Variants in DOCK3 observed in about 807,000 individuals in gnomAD.
DOCK3 encodes the protein dedicator of cytokinesis 3, also known as dedicator of cytokinesis protein 3.
In DOCK3, 60 loss-of-function variants were observed where a neutral mutation model predicts 265.6. The ratio of observed to expected loss-of-function variants is 0.23; its 90% CI spans 0.18 to 0.28. The LOEUF is 0.28. Ranked by LOEUF, DOCK3 falls within the 10% of genes least tolerant of loss-of-function variation. The pLI is 1.00. For missense variants in DOCK3, 1,981 were observed against 2,594.3 expected (o/e 0.76, Z 5.14); for synonymous variants, 881 against 938.0 (o/e 0.94, Z 1.11).
At chr3:50,692,190 T>C (rs1260539078) in intron 1 of DOCK3, among the ~76,000 whole-genome samples, 1 of 152,230 alleles carries the variant, frequency 6.6e-6, no homozygotes, top group East Asian at 1.9e-4. Flanking sequence ...ACATTGAGAT[T>C]ACAGGCATGA....
intron 6 of DOCK3, 120 bp downstream of exon 6, chr3:51,064,716 C>G (rs1388639242): frequency 7.8e-7 from 1 of 1,281,172 alleles, no homozygotes; most frequent in East Asian, 2.4e-5. Context: ...ATATTCTTCA[C>G]TAAGCTTTCA....
chr3:50,740,071 T>C (rs2038916720), intron 1 of DOCK3, among the ~76,000 whole-genome samples: 1 of 152,188 alleles, frequency 6.6e-6, no homozygotes, highest in Non-Finnish European at 1.5e-5. Flanking sequence ...TGTCACTGTA[T>C]ATTACTTTGC....
intron 5 of DOCK3, among the ~76,000 whole-genome samples, chr3:50,952,366 G>GT (rs2076616353): frequency 6.6e-6 from 1 of 151,978 alleles, no homozygotes; most frequent in African/African-American, 2.4e-5. Flanking sequence ...GTATTAATCT[G>GT]TTTTTTCACC....
At chr3:51,268,115 A>G (rs1361291089) in intron 23 of DOCK3, among the ~76,000 whole-genome samples, 1 of 152,224 alleles carries the variant, frequency 6.6e-6, no homozygotes, top group East Asian at 1.9e-4. Context: ...CATTCTGCAC[A>G]TGTATCCCAG....
At chr3:50,907,461 G>A (rs2049586074) in intron 4 of DOCK3, among the ~76,000 whole-genome samples, 1 of 152,082 alleles carries the variant, frequency 6.6e-6, no homozygotes, top group Admixed American at 6.5e-5. Flanking sequence ...TATATGCTTA[G>A]GACAGTTAGC....
intron 1 of DOCK3, among the ~76,000 whole-genome samples, chr3:50,778,244 G>T (rs1365955742): frequency 1.3e-5 from 2 of 151,896 alleles, no homozygotes; most frequent in Non-Finnish European, 2.9e-5. Flanking sequence ...TGAGAATTCT[G>T]CTTTTCAAAG....
chr3:50,974,095 T>C (rs1475909091), intron 5 of DOCK3, among the ~76,000 whole-genome samples: 1 of 151,056 alleles, frequency 6.6e-6, no homozygotes, highest in African/African-American at 2.4e-5. Context: ...AGGTTGCCTG[T>C]TCACTCTGAT....
chr3:51,238,694 G>A (rs1245643487), intron 21 of DOCK3, among the ~76,000 whole-genome samples: 1 of 152,094 alleles, frequency 6.6e-6, no homozygotes, highest in Non-Finnish European at 1.5e-5. Flanking sequence ...CCACTTATAA[G>A]TGAGAACATG....
chr3:51,290,682 A>AAT (rs964565637), intron 27 of DOCK3, among the ~76,000 whole-genome samples: 35 of 152,232 alleles, frequency 2.3e-4, no homozygotes, highest in African/African-American at 7.7e-4. Flanking sequence ...CTTAAAGTAT[A>AAT]ATATATATAT....
intron 23 of DOCK3, among the ~76,000 whole-genome samples, chr3:51,264,829 A>AAAATAAATAAATAAAT (rs71084138): frequency 0.44 from 62,316 of 141,854 alleles, 14,431 homozygotes; most frequent in Middle Eastern, 0.49. Context: ...TCAGTCTCAA[A>AAAATAAATAAATAAAT]AAATAAATAA....
intron 27 of DOCK3, among the ~76,000 whole-genome samples, chr3:51,286,342 A>G (rs189503519): frequency 1.2e-4 from 18 of 152,362 alleles, no homozygotes; most frequent in African/African-American, 3.8e-4. Flanking sequence ...AAAACATTCC[A>G]TGTTCATGGC....
At chr3:50,870,742 G>A (rs968822245) in intron 3 of DOCK3, among the ~76,000 whole-genome samples, 1 of 150,256 alleles carries the variant, frequency 6.7e-6, no homozygotes, top group Non-Finnish European at 1.5e-5. Flanking sequence ...GTGGTGATAT[G>A]ATTTAATTTT....
At chr3:51,342,766 A>C (rs1316673657) in intron 38 of DOCK3, among the ~76,000 whole-genome samples, 1 of 152,216 alleles carries the variant, frequency 6.6e-6, no homozygotes, top group Non-Finnish European at 1.5e-5. Context: ...AGGGAGTAAA[A>C]CACAAAGTGT....
chr3:51,028,487 T>C (rs1278456433), intron 5 of DOCK3, among the ~76,000 whole-genome samples: 1 of 152,188 alleles, frequency 6.6e-6, no homozygotes, highest in Non-Finnish European at 1.5e-5. Flanking sequence ...TGGGGAAATT[T>C]TTCTGAATTA....
chr3:50,944,839 A>T (rs1387907475), intron 5 of DOCK3, among the ~76,000 whole-genome samples: 1 of 152,176 alleles, frequency 6.6e-6, no homozygotes, highest in Non-Finnish European at 1.5e-5. Context: ...AGGAGCCTGT[A>T]ATCCCAGCTA....
Position 51,195,906 on chromosome 3 carries a change from AT to A in DOCK3, c.1038-12860del, listed in dbSNP as rs911723506. ...CATGTATAGCATTCTTAGCTGTCAG[AT>A]TTTTTTTCTTTTATTCTTCCTTTTT... On this transcript the variant is annotated intron_variant, in intron 12 of 52. Coordinates refer to ENST00000266037, the MANE Select transcript of DOCK3 (RefSeq NM_004947.5). 4.6e-5 allele frequency among the ~76,000 whole-genome samples: 7 copies of A among 151,588 alleles called. No individual in the cohort carries two copies. The East Asian group carries it at 5.8e-4, about 13-fold the overall frequency.
At chr3:50,752,902 T>G (rs1050748011) in intron 1 of DOCK3, among the ~76,000 whole-genome samples, 1 of 152,236 alleles carries the variant, frequency 6.6e-6, no homozygotes, top group Non-Finnish European at 1.5e-5. Flanking sequence ...GCTACCTTTG[T>G]TACAAATTTT....
intron 1 of DOCK3, among the ~76,000 whole-genome samples, chr3:50,687,640 ATGT>A (rs944583611): frequency 8.5e-5 from 13 of 152,190 alleles, no homozygotes; most frequent in Admixed American, 4.6e-4. Flanking sequence ...ATCCTGTAAA[ATGT>A]TGTTAAGTTC....
chr3:51,091,108 C>G (rs1276394962), intron 9 of DOCK3, among the ~76,000 whole-genome samples: 1 of 152,154 alleles, frequency 6.6e-6, no homozygotes, highest in Non-Finnish European at 1.5e-5. Flanking sequence ...TTGATCAGGA[C>G]ATGTGAATTT....
Sources: gnomAD v4.1 joint callset for allele counts (sites outside exome capture counted in the v4.1 genomes callset) on GRCh38, gnomAD v4.1.1 for gene constraint, MANE v1.5 for transcripts, NCBI Gene and HGNC (gene_info 2026-07-23, HGNC 2026-07-21) for gene names.